The following CSF1R variants were observed in gnomAD, a reference collection of about 807,000 sequenced individuals.
CSF1R encodes colony stimulating factor 1 receptor.
In CSF1R, 40 loss-of-function variants were observed where a neutral mutation model predicts 110.0. The ratio of observed to expected loss-of-function variants is 0.36; its 90% CI spans 0.28 to 0.47. The LOEUF is 0.47. Among genes scored for constraint, CSF1R ranks in the 20% least tolerant of loss-of-function variants. The probability of loss-of-function intolerance (pLI) is 0.99; values close to 1 mark genes in which losing one functional copy is unlikely to be tolerated. For missense variants in CSF1R, 1,052 were observed against 1,253.0 expected, an observed-to-expected ratio of 0.84 and a Z score of 2.42; for synonymous variants, 523 against 503.4, an observed-to-expected ratio of 1.04 and a Z score of -0.52.
At chr5:150,107,586 A>C (rs762242081) in intron 1 of CSF1R, among the ~76,000 whole-genome samples, 18 of 152,274 alleles carry the variant, frequency 1.2e-4, no homozygotes, top group Non-Finnish European at 2.4e-4. Flanking sequence ...TAAACAGCTA[A>C]GTGGCAGAGC....
chr5:150,097,605 C>T (rs1399053219), intron 1 of CSF1R, among the ~76,000 whole-genome samples: 1 of 151,814 alleles, frequency 6.6e-6, no homozygotes, highest in Non-Finnish European at 1.5e-5. Flanking sequence ...AGGTCAATAT[C>T]AAAAATCAGA....
In CSF1R at chr5:150,053,354, G is replaced by A. The variant is rs572860735; in HGVS notation, c.*715C>T. 3.3e-4 allele frequency: 76 copies of A among 233,786 alleles called. No individual in the cohort carries two copies. The highest frequency in any genetic ancestry group is 5.6e-4 in the Non-Finnish European group (66 of 118,202). The allele number at this position is 233,786 out of a possible 1,614,324, so 14.5% of individuals were successfully genotyped here. A position where few individuals can be genotyped will look rare whatever the true frequency, so the allele number is the denominator to read the frequency against. ...CATCCCACGGCGTGACTGTTAGTTAGGATGAGTCAGCTTGGGGGAGTTTGT... is the reference window on the plus strand; with the variant it reads ...CATCCCACGGCGTGACTGTTAGTTAAGATGAGTCAGCTTGGGGGAGTTTGT... On this transcript the variant is annotated 3_prime_UTR_variant, in exon 21 of 21. Transcript: ENST00000675795.
chr5:150,096,233 T>C (rs1343544903), intron 1 of CSF1R, among the ~76,000 whole-genome samples: 1 of 151,954 alleles, frequency 6.6e-6, no homozygotes, highest in Non-Finnish European at 1.5e-5. Context: ...CTACTAAAAA[T>C]ACAAAAATTA....
intron 5 of CSF1R, among the ~76,000 whole-genome samples, chr5:150,075,399 T>G (rs903998377): frequency 1.3e-5 from 2 of 152,082 alleles, no homozygotes; most frequent in Non-Finnish European, 2.9e-5. Flanking sequence ...GAGACCACTT[T>G]TTTTCTCACT....
chr5:150,055,800 A>G (rs1262053544), intron 18 of CSF1R, among the ~76,000 whole-genome samples: 2 of 152,242 alleles, frequency 1.3e-5, no homozygotes, highest in Admixed American at 6.5e-5. Context: ...GGTAACAGCA[A>G]CTGAGCAGAG....
At chr5:150,068,130 G>A in intron 10 of CSF1R, 85 bp downstream of exon 10, 1 of 1,015,994 alleles carries the variant, frequency 9.8e-7, no homozygotes, top group Non-Finnish European at 1.5e-6. Flanking sequence ...CTGAGGAGGA[G>A]GAAGGGTGAA....
chr5:150,086,688 G>T, upstream of CSF1R: 1 of 441,282 alleles, frequency 2.3e-6, no homozygotes, highest in Non-Finnish European at 4.1e-6. Context: ...GGGAGGGGTC[G>T]CAGTCTGGGG....
At chr5:150,077,660 G>A (rs1758330394) in intron 4 of CSF1R, among the ~76,000 whole-genome samples, 1 of 152,196 alleles carries the variant, frequency 6.6e-6, no homozygotes. Flanking sequence ...CACGGCAGGT[G>A]CAGTGGGAAG....
chr5:150,104,351 G>A (rs1439468257), intron 1 of CSF1R, among the ~76,000 whole-genome samples: 2 of 152,246 alleles, frequency 1.3e-5, no homozygotes, highest in East Asian at 1.9e-4. Context: ...CACGATCAAA[G>A]GATGCTGCTT....
At chr5:150,107,842 A>C (rs1422041131) in intron 1 of CSF1R, among the ~76,000 whole-genome samples, 1 of 152,258 alleles carries the variant, frequency 6.6e-6, no homozygotes, top group Non-Finnish European at 1.5e-5. Context: ...ACAATAATGC[A>C]GGTGAAGGGC....
At position 150,070,558 on chromosome 5, in the gene CSF1R, G is replaced by A. The variant is rs1233258528; in HGVS notation, c.1096C>T (p.Leu366Phe). The A allele has an allele frequency of 6.5e-7, 1 of 1,533,362 alleles. No individual in the cohort carries two copies. Among genetic ancestry groups the A allele is most frequent in the Non-Finnish European group, 8.8e-7 (1 of 1,139,492 alleles). The allele number at this position is 1,533,362 out of a possible 1,614,324, so 95.0% of individuals were successfully genotyped here. A position where few individuals can be genotyped will look rare whatever the true frequency, so the allele number is the denominator to read the frequency against. The change falls in exon 7 of 21, where the codon CTC (leucine) becomes TTC (phenylalanine). Residue 366 changes from leucine to phenylalanine, a missense_variant. Leu to Phe is a conservative substitution (Grantham distance 22). Coordinates refer to ENST00000675795, the MANE Select transcript of CSF1R (RefSeq NM_001288705.3). ...GAGGGCTTCAGGCGGGGCAGAGAGA[G>A]GGTGAAGGTGTGCCTGCAGGAGAGA... Reference protein sequence around the residue: ...TKDTYRHTFTLSLPRLKPSEA... With the variant: ...TKDTYRHTFTFSLPRLKPSEA...
chr5:150,069,772 A>C, intron 9 of CSF1R, 101 bp downstream of exon 9: 1 of 1,163,914 alleles, frequency 8.6e-7, no homozygotes, highest in Non-Finnish European at 1.2e-6. Context: ...AGGTGGAGCC[A>C]ACCCCAGCTC....
At chr5:150,091,966 G>C (rs1361709651) in intron 1 of CSF1R, among the ~76,000 whole-genome samples, 1 of 151,524 alleles carries the variant, frequency 6.6e-6, no homozygotes, top group Admixed American at 6.6e-5. Context: ...GCTGGAAATG[G>C]AATAAAGGTA....
chr5:150,080,883 C>T lies in CSF1R; in HGVS notation c.191G>A (p.Gly64Asp), dbSNP rs1369244827. 6.8e-6 allele frequency: 11 copies of T among 1,614,162 alleles called. No homozygotes were observed. The highest frequency in any genetic ancestry group is 9.3e-6 in the Non-Finnish European group (11 of 1,180,020). The change falls in exon 2 of 21, where the codon GGC (glycine) becomes GAC (aspartate). Residue 64 changes from glycine (G) to aspartate (D), a missense_variant. Around this residue, in one of 5 missense-constraint regions of CSF1R, gnomAD observed 693 missense variants for 735.4 expected, o/e 0.94. Transcript: ENST00000675795. The stretch of plus-strand genomic sequence containing the variant: ...GTTGGTGCTGAGGATGCTGCTGGAG[C>T]CATCAGAGTACAGGGTCCAGTGAGG... The part of the protein sequence containing the change: ...PSPHWTLYSD[G>D]SSSILSTNNA...
At chr5:150,082,551 T>G (rs1450955987) in intron 1 of CSF1R, among the ~76,000 whole-genome samples, 1 of 152,246 alleles carries the variant, frequency 6.6e-6, no homozygotes, top group Admixed American at 6.5e-5. Context: ...CTAGCAGCCT[T>G]TTTAGCAAAT....
At chr5:150,112,188 G>A (rs765036400) in intron 1 of CSF1R, among the ~76,000 whole-genome samples, 2 of 152,102 alleles carry the variant, frequency 1.3e-5, no homozygotes, top group African/African-American at 2.4e-5. Flanking sequence ...GTTTCCTGAC[G>A]ACTACCCTCA....
At chr5:150,105,384 AT>A (rs35556562) in intron 1 of CSF1R, among the ~76,000 whole-genome samples, 6,521 of 83,004 alleles carry the variant, frequency 0.079, 163 homozygotes, top group East Asian at 0.11. Flanking sequence ...ATATATATAT[AT>A]TTTTTTTTTT....
At chr5:150,054,767 G>A in intron 19 of CSF1R, 1 of 279,284 alleles carries the variant, frequency 3.6e-6, no homozygotes, top group Non-Finnish European at 6.7e-6. Flanking sequence ...CAGGAGGATT[G>A]CATAAGGCCA....
intron 10 of CSF1R, among the ~76,000 whole-genome samples, chr5:150,063,103 G>A (rs192214637): frequency 1.3e-5 from 2 of 151,762 alleles, no homozygotes; most frequent in East Asian, 1.9e-4. Context: ...CTACAGCCTC[G>A]ACCCCCGAGG....
Sources: gnomAD v4.1 joint callset for allele counts (sites outside exome capture counted in the v4.1 genomes callset) on GRCh38, gnomAD v4.1.1 for gene constraint, gnomAD v4.1.1 regional missense constraint, MANE v1.5 for transcripts, NCBI Gene and HGNC (gene_info 2026-07-23, HGNC 2026-07-21) for gene names.